SLC8A1: variants seen among roughly 807,000 people sequenced by gnomAD.
The protein encoded by SLC8A1 is sodium/calcium exchanger 1.
Under a neutral mutation model 68.3 loss-of-function variants are expected in SLC8A1, and 18 were observed. The ratio of observed to expected loss-of-function variants is 0.26; its 90% CI spans 0.18 to 0.39. The LOEUF is 0.39. SLC8A1 is among the 10% of genes least tolerant of loss of function. The pLI is 1.00. For synonymous variants in SLC8A1, 475 were observed against 415.5 expected, an observed-to-expected ratio of 1.14 and a Z score of -1.74; for missense variants, 985 against 1,156.7, an observed-to-expected ratio of 0.85 and a Z score of 2.15.
chr2:40,115,888 C>G (rs1365343709), intron 7 of SLC8A1, among the ~76,000 whole-genome samples: 1 of 152,180 alleles, frequency 6.6e-6, no homozygotes, highest in Non-Finnish European at 1.5e-5. Flanking sequence ...ACAGATACTG[C>G]AGTTCTTTGT....
intron 6 of SLC8A1, among the ~76,000 whole-genome samples, chr2:40,145,381 C>G (rs564885169): frequency 3.9e-5 from 6 of 152,162 alleles, no homozygotes; most frequent in African/African-American, 1.4e-4. Flanking sequence ...CTTGGTTTGC[C>G]TCTAGCTCAT....
intron 2 of SLC8A1, among the ~76,000 whole-genome samples, chr2:40,414,518 C>G (rs1238209802): frequency 6.6e-6 from 1 of 152,124 alleles, no homozygotes; most frequent in Non-Finnish European, 1.5e-5. Context: ...TGATCTTGTA[C>G]TTGCATGATT....
exon 8 of SLC8A1, chr2:40,101,321 A>T (rs2033877850): frequency 6.6e-6 from 1 of 152,106 alleles, no homozygotes; most frequent in South Asian, 2.1e-4. Context: ...CTTTTAGCTC[A>T]GTCAGTCATA....
At chr2:40,186,092 C>T (rs2050651722) in intron 2 of SLC8A1, among the ~76,000 whole-genome samples, 1 of 152,130 alleles carries the variant, frequency 6.6e-6, no homozygotes, top group Non-Finnish European at 1.5e-5. Context: ...GGCTGGCTTC[C>T]TTGACTCCTT....
At chr2:40,420,401 G>A (rs539833477) in intron 2 of SLC8A1, among the ~76,000 whole-genome samples, 7 of 150,124 alleles carry the variant, frequency 4.7e-5, no homozygotes, top group South Asian at 4.2e-4. Context: ...TTTCAAGTAC[G>A]AAGAAAAGCT....
At chr2:40,309,134 G>A (rs80207429) in intron 2 of SLC8A1, among the ~76,000 whole-genome samples, 1,832 of 152,158 alleles carry the variant, frequency 0.012, 31 homozygotes, top group African/African-American at 0.041. Context: ...TATTTTTACT[G>A]CATTTAGCTT....
At chr2:40,130,203 A>C (rs572100664) in intron 7 of SLC8A1, among the ~76,000 whole-genome samples, 1 of 152,222 alleles carries the variant, frequency 6.6e-6, no homozygotes, top group Non-Finnish European at 1.5e-5. Context: ...GTTTTTACAG[A>C]ATCTTTGGGT....
At chr2:40,460,863 G>A (rs4315575) in intron 1 of SLC8A1, among the ~76,000 whole-genome samples, 6,130 of 107,894 alleles carry the variant, frequency 0.057, 167 homozygotes, top group Non-Finnish European at 0.093. Flanking sequence ...GTGAGCCACC[G>A]CACCTGACTA....
At chr2:40,325,803 A>G (rs1420024569) in intron 2 of SLC8A1, among the ~76,000 whole-genome samples, 2 of 142,530 alleles carry the variant, frequency 1.4e-5, no homozygotes, top group Non-Finnish European at 3.0e-5. Flanking sequence ...AAAAAAAAAA[A>G]AGTAGCTGAG....
At chr2:40,377,945 T>A (rs902712757) in intron 2 of SLC8A1, among the ~76,000 whole-genome samples, 1 of 152,142 alleles carries the variant, frequency 6.6e-6, no homozygotes, top group Non-Finnish European at 1.5e-5. Context: ...TATTGTCTTA[T>A]AATTTCTACC....
chr2:40,223,896 G>A (rs1445673204), intron 2 of SLC8A1: 4 of 152,086 alleles, frequency 2.6e-5, no homozygotes, highest in Non-Finnish European at 4.4e-5. Context: ...AATAGGAGAA[G>A]TTGGAGAGGA....
intron 2 of SLC8A1, among the ~76,000 whole-genome samples, chr2:40,307,430 G>C (rs541230319): frequency 6.6e-6 from 1 of 151,992 alleles, no homozygotes; most frequent in Admixed American, 6.6e-5. Flanking sequence ...TTTTAATTTT[G>C]TAAGACAAAA....
intron 6 of SLC8A1, among the ~76,000 whole-genome samples, chr2:40,157,417 G>A (rs1482992669): frequency 6.6e-6 from 1 of 152,098 alleles, no homozygotes; most frequent in East Asian, 1.9e-4. Context: ...ACCCACACCT[G>A]TCTCCAAAGC....
At chr2:40,458,023 C>G (rs1386577146) in intron 1 of SLC8A1, among the ~76,000 whole-genome samples, 1 of 152,116 alleles carries the variant, frequency 6.6e-6, no homozygotes, top group Non-Finnish European at 1.5e-5. Context: ...GGTCAGAAGT[C>G]GAGTCTGGGC....
At chr2:40,327,747 G>A (rs2075993581) in intron 2 of SLC8A1, among the ~76,000 whole-genome samples, 1 of 152,048 alleles carries the variant, frequency 6.6e-6, no homozygotes, top group African/African-American at 2.4e-5. Context: ...ACGACACTGG[G>A]GACTCCAAAA....
chr2:40,275,672 C>G (rs2066611059), intron 2 of SLC8A1, among the ~76,000 whole-genome samples: 1 of 152,152 alleles, frequency 6.6e-6, no homozygotes, highest in South Asian at 2.1e-4. Flanking sequence ...AAATGAAGGT[C>G]ATTTAAAAAT....
At chr2:40,232,052 G>C (rs2059719174) in intron 2 of SLC8A1, among the ~76,000 whole-genome samples, 2 of 152,076 alleles carry the variant, frequency 1.3e-5, no homozygotes, top group South Asian at 4.1e-4. Flanking sequence ...AGCAGGCCAG[G>C]AAGATTTTAG....
At chr2:40,345,588 A>G (rs1210676996) in intron 2 of SLC8A1, among the ~76,000 whole-genome samples, 1 of 152,196 alleles carries the variant, frequency 6.6e-6, no homozygotes, top group East Asian at 1.9e-4. Context: ...AATTTGTGGT[A>G]AAGTATCCCT....
intron 2 of SLC8A1, among the ~76,000 whole-genome samples, chr2:40,255,882 T>C (rs1374002299): frequency 6.6e-6 from 1 of 152,162 alleles, no homozygotes; most frequent in African/African-American, 2.4e-5. Flanking sequence ...ACTAAAAAGA[T>C]GGAAGGAAAG....
Sources: allele counts gnomAD v4.1 joint callset (sites outside exome capture counted in the v4.1 genomes callset), GRCh38; gene constraint gnomAD v4.1.1; transcripts MANE v1.5; gene names NCBI Gene and HGNC (gene_info 2026-07-23, HGNC 2026-07-21).